GSE1: variants seen among roughly 807,000 people sequenced by gnomAD.
The protein encoded by GSE1 is Gse1 coiled-coil protein.
A neutral mutation model predicts 112.6 loss-of-function variants in GSE1; 32 were observed. That is an observed-to-expected ratio of 0.28 (90% CI 0.21 to 0.38). The LOEUF (loss-of-function observed/expected upper bound fraction) is 0.38, where lower values mean the gene tolerates loss of function less well. GSE1 is among the 10% of genes least tolerant of loss of function. GSE1 has a pLI of 1.00. For missense variants in GSE1, 2,348 were observed against 1,699.2 expected, an observed-to-expected ratio of 1.38 and a Z score of -6.71; for synonymous variants, 1,115 against 735.6, an observed-to-expected ratio of 1.52 and a Z score of -8.35.
Position 85,657,330 on chromosome 16 carries a change from C to T in GSE1, c.1366C>T (p.His456Tyr). The change falls in exon 8 of 16, where the codon CAT becomes TAT. Residue 456 changes from histidine (H) to tyrosine (Y), a missense_variant. His to Tyr is a moderately conservative substitution (Grantham distance 83). Coordinates refer to ENST00000253458, the MANE Select transcript of GSE1 (RefSeq NM_014615.5). ...GCCCAAGCCCGTCCAACACCCCTTG[C>T]ATCCGGTGCCCACCCCACACCACAC... The part of the protein sequence containing the change: ...QAPKPVQHPL[H>Y]PVPTPHHTVP... The T allele has an allele frequency of 1.2e-6, 2 of 1,606,266 alleles. No individual in the cohort carries two copies. The highest frequency in any genetic ancestry group is 1.7e-6 in the Non-Finnish European group (2 of 1,177,144).
At chr16:85,197,241 T>G (rs2074945250) in intron 1 of GSE1, among the ~76,000 whole-genome samples, 1 of 151,974 alleles carries the variant, frequency 6.6e-6, no homozygotes, top group Admixed American at 6.6e-5. Context: ...GGAAGGGGGA[T>G]TGTGGGACCC....
intron 1 of GSE1, among the ~76,000 whole-genome samples, chr16:85,226,452 A>G (rs2075486849): frequency 6.6e-6 from 1 of 152,192 alleles, no homozygotes; most frequent in African/African-American, 2.4e-5. Context: ...GCATGCCAGG[A>G]TGCAGAGGTG....
upstream of GSE1, chr16:85,613,030 C>G: frequency 3.0e-6 from 1 of 334,748 alleles, no homozygotes; most frequent in Non-Finnish European, 5.3e-6. Context: ...GCTGGTGTCC[C>G]CGGCTCACCT....
chr16:85,193,959 G>A (rs2074877961), intron 1 of GSE1, among the ~76,000 whole-genome samples: 1 of 152,122 alleles, frequency 6.6e-6, no homozygotes, highest in African/African-American at 2.4e-5. Flanking sequence ...ATGCACTTGT[G>A]TGTGTGTGTG....
At chr16:85,186,344 C>G (rs192796110) in intron 1 of GSE1, among the ~76,000 whole-genome samples, 129 of 152,120 alleles carry the variant, frequency 8.5e-4, no homozygotes, top group African/African-American at 3.0e-3. Context: ...GTCGCTCACA[C>G]CTGTAATCCC....
At chr16:85,169,618 A>G in exon 1 of GSE1, 1 of 982,052 alleles carries the variant, frequency 1.0e-6, no homozygotes, top group African/African-American at 1.8e-5. Flanking sequence ...CTCCTGCTTC[A>G]TCTGCGGCGG....
At chr16:85,603,464 G>A (rs1476237251) in intron 1 of GSE1, among the ~76,000 whole-genome samples, 4 of 152,192 alleles carry the variant, frequency 2.6e-5, no homozygotes, top group Admixed American at 2.6e-4. Context: ...CCCTGCATCT[G>A]GCCTCTCCCA....
rs78686586 is a variant in GSE1, at chr16:85,653,619, C to T, written c.427-659C>T. ...CGAGCTGTTGCCTTCCCTGCCCCACCGTGTGTGTGAAGGCCGGTACCCCAG... is the reference window on the plus strand; with the variant it reads ...CGAGCTGTTGCCTTCCCTGCCCCACTGTGTGTGTGAAGGCCGGTACCCCAG... On this transcript the variant is annotated intron_variant, in intron 3 of 15. Coordinates refer to ENST00000253458, the MANE Select transcript of GSE1 (RefSeq NM_014615.5). Among the ~76,000 whole-genome samples, 373 of 152,002 alleles carry T rather than the reference C, an allele frequency of 2.5e-3. 2 individuals carry two copies. The highest frequency in any genetic ancestry group is 7.6e-3 in the African/African-American group (316 of 41,492).
chr16:85,627,092 T>C (rs1300965719), intron 1 of GSE1, among the ~76,000 whole-genome samples: 3 of 124,912 alleles, frequency 2.4e-5, no homozygotes, highest in African/African-American at 9.4e-5. Flanking sequence ...ATTGTGCTGC[T>C]TCTGACCCTA....
At chr16:85,384,791 G>C (rs2047648572) in intron 2 of GSE1, among the ~76,000 whole-genome samples, 1 of 151,838 alleles carries the variant, frequency 6.6e-6, no homozygotes, top group Non-Finnish European at 1.5e-5. Flanking sequence ...TGGAGGACTG[G>C]AAACAGGTCC....
intron 2 of GSE1, among the ~76,000 whole-genome samples, chr16:85,429,901 C>T (rs1181973204): frequency 6.6e-6 from 1 of 152,270 alleles, no homozygotes; most frequent in Non-Finnish European, 1.5e-5. Context: ...TGTCTCCTTG[C>T]TGAGCTGTCA....
intron 1 of GSE1, among the ~76,000 whole-genome samples, chr16:85,187,908 G>A (rs957530965): frequency 3.9e-5 from 6 of 152,362 alleles, no homozygotes; most frequent in African/African-American, 1.4e-4. Context: ...CCGTGGGAAT[G>A]AAGGGGCCTG....
chr16:85,329,753 C>T (rs1215161170), intron 1 of GSE1, among the ~76,000 whole-genome samples: 1 of 151,690 alleles, frequency 6.6e-6, no homozygotes, highest in Non-Finnish European at 1.5e-5. Context: ...CTTTCAGAGC[C>T]GCACCTGCTA....
intron 2 of GSE1, among the ~76,000 whole-genome samples, chr16:85,530,366 T>C (rs180862924): frequency 6.6e-6 from 1 of 152,348 alleles, no homozygotes; most frequent in Admixed American, 6.5e-5. Context: ...GATGCAATCT[T>C]ATCAGAGCTG....
chr16:85,395,647 G>A (rs939661037), intron 2 of GSE1, among the ~76,000 whole-genome samples: 13 of 152,210 alleles, frequency 8.5e-5, no homozygotes, highest in Admixed American at 2.0e-4. Flanking sequence ...GGCCTCCCGA[G>A]AAAGCCCTTT....
chr16:85,668,597 C>T (rs1250039701), intron 14 of GSE1, among the ~76,000 whole-genome samples, 173 bp downstream of exon 14: 1 of 152,178 alleles, frequency 6.6e-6, no homozygotes, highest in African/African-American at 2.4e-5. Context: ...CGGTGATGTC[C>T]CATGCTGGAA....
chr16:85,599,081 C>T (rs183323295), intron 1 of GSE1, among the ~76,000 whole-genome samples: 78 of 152,180 alleles, frequency 5.1e-4, no homozygotes, highest in Admixed American at 1.0e-3. Flanking sequence ...CTTCGTGCGC[C>T]GATAGAAGTT....
At chr16:85,666,934 G>A (rs2151992248) in intron 13 of GSE1, among the ~76,000 whole-genome samples, 1 of 152,372 alleles carries the variant, frequency 6.6e-6, no homozygotes, top group East Asian at 1.9e-4. Context: ...CCAAGCACCA[G>A]GTACTACATT....
At chr16:85,301,767 A>G (rs1335280837) in intron 1 of GSE1, among the ~76,000 whole-genome samples, 1 of 152,184 alleles carries the variant, frequency 6.6e-6, no homozygotes, top group African/African-American at 2.4e-5. Flanking sequence ...GCAGTCCCCA[A>G]GAGGGAGCAC....
Sources: allele counts gnomAD v4.1 joint callset (sites outside exome capture counted in the v4.1 genomes callset), GRCh38; gene constraint gnomAD v4.1.1; transcripts MANE v1.5; gene names NCBI Gene and HGNC (gene_info 2026-07-23, HGNC 2026-07-21).